The following LRRC49 variants were observed in gnomAD, a reference collection of about 807,000 sequenced individuals.
LRRC49 encodes the protein leucine-rich repeat-containing protein 49.
LRRC49 carries 50 observed loss-of-function variants against 83.3 expected under a neutral mutation model. The ratio of observed to expected loss-of-function variants is 0.60; its 90% CI spans 0.48 to 0.76. The LOEUF (loss-of-function observed/expected upper bound fraction) is 0.76, where lower values mean the gene tolerates loss of function less well. Ranked by LOEUF, LRRC49 falls within the 30% of genes least tolerant of loss-of-function variation. The pLI is 0.00. For missense variants in LRRC49, 704 were observed against 809.1 expected (o/e 0.87, Z 1.58); for synonymous variants, 286 against 283.3 (o/e 1.01, Z -0.10).
intron 14 of LRRC49, among the ~76,000 whole-genome samples, chr15:71,027,279 T>C (rs990239171): frequency 3.9e-5 from 6 of 152,206 alleles, no homozygotes; most frequent in Non-Finnish European, 7.3e-5. Flanking sequence ...TTCTGAGGTC[T>C]CTGTTCTGTT....
At chr15:70,853,861 C>T in intron 1 of LRRC49, 1 of 1,239,604 alleles carries the variant, frequency 8.1e-7, no homozygotes. Flanking sequence ...CCTCGGGGCC[C>T]ACCTCCCGGG....
At chr15:70,857,051 G>A (rs1367723545) in intron 1 of LRRC49, among the ~76,000 whole-genome samples, 2 of 152,110 alleles carry the variant, frequency 1.3e-5, no homozygotes, top group Non-Finnish European at 2.9e-5. Flanking sequence ...ACCTCAGCCT[G>A]GAGTTGGCAT....
chr15:71,042,155 A>G (rs778074195), intron 15 of LRRC49, among the ~76,000 whole-genome samples: 2 of 152,180 alleles, frequency 1.3e-5, no homozygotes, highest in Non-Finnish European at 2.9e-5. Flanking sequence ...ACAGTCATTC[A>G]AGGTGATTGT....
chr15:70,981,685 A>G (rs1403888491), intron 10 of LRRC49, among the ~76,000 whole-genome samples: 1 of 152,070 alleles, frequency 6.6e-6, no homozygotes, highest in African/African-American at 2.4e-5. Context: ...TATGAAAAGT[A>G]GACTCAAATG....
chr15:70,959,451 A>G (rs1316145072), intron 8 of LRRC49, among the ~76,000 whole-genome samples: 25 of 143,912 alleles, frequency 1.7e-4, no homozygotes, highest in Admixed American at 1.6e-3. Flanking sequence ...AGATTGTGCC[A>G]TTGCGCTCCA....
chr15:70,892,291 G>C (rs1442288061), upstream of LRRC49: 9 of 1,552,446 alleles, frequency 5.8e-6, no homozygotes, highest in Non-Finnish European at 7.8e-6. Flanking sequence ...TCTTCGGTGC[G>C]CGGGAGCCGG....
intron 1 of LRRC49, among the ~76,000 whole-genome samples, chr15:70,866,156 A>G (rs1410693852): frequency 7.0e-6 from 1 of 143,476 alleles, no homozygotes; most frequent in Admixed American, 6.8e-5. Context: ...TTATTTATTT[A>G]TTTATTTTTG....
chr15:70,999,402 C>A (rs1264730133), intron 11 of LRRC49, among the ~76,000 whole-genome samples: 1 of 151,926 alleles, frequency 6.6e-6, no homozygotes, highest in Non-Finnish European at 1.5e-5. Context: ...GCATGTGTAC[C>A]CACTGAAATC....
intron 1 of LRRC49, among the ~76,000 whole-genome samples, chr15:70,864,411 G>A (rs2032866910): frequency 6.6e-6 from 1 of 151,918 alleles, no homozygotes; most frequent in Non-Finnish European, 1.5e-5. Context: ...GAAGAGCAGG[G>A]CCCTGGAGTT....
At chr15:70,917,825 G>T (rs1001988477) in intron 6 of LRRC49, among the ~76,000 whole-genome samples, 1 of 152,180 alleles carries the variant, frequency 6.6e-6, no homozygotes, top group South Asian at 2.1e-4. Flanking sequence ...CGCAGGACAA[G>T]AACCTGGGAC....
chr15:70,891,068 A>G (rs1471005185), upstream of LRRC49, among the ~76,000 whole-genome samples: 1 of 152,168 alleles, frequency 6.6e-6, no homozygotes, highest in East Asian at 1.9e-4. Flanking sequence ...TAAGGATTAC[A>G]GACCCCTGAG....
At chr15:70,962,460 AGCC>A (rs1353065774) in intron 8 of LRRC49, among the ~76,000 whole-genome samples, 1 of 152,170 alleles carries the variant, frequency 6.6e-6, no homozygotes, top group African/African-American at 2.4e-5. Flanking sequence ...AAGTACACTT[AGCC>A]CCCAGATCTT....
intron 15 of LRRC49, among the ~76,000 whole-genome samples, chr15:71,038,256 AGT>A (rs750190129): frequency 6.6e-6 from 1 of 152,110 alleles, no homozygotes; most frequent in Non-Finnish European, 1.5e-5. Context: ...AACATTTAGA[AGT>A]GTGTGTGTGG....
intron 8 of LRRC49, 82 bp from the exon 9 acceptor site, chr15:70,963,701 CTG>C (rs1368356736): frequency 1.4e-6 from 2 of 1,443,282 alleles, no homozygotes; most frequent in Admixed American, 2.0e-5. Context: ...AAATCTAAAA[CTG>C]TGCTAAAAAT....
intron 11 of LRRC49, 85 bp downstream of exon 11, chr15:70,984,342 A>C: frequency 1.7e-6 from 2 of 1,186,012 alleles, no homozygotes; most frequent in Non-Finnish European, 1.2e-6. Flanking sequence ...ACATATAATT[A>C]TTTTAAAAGG....
chr15:71,032,184 C>T (rs925361403), intron 14 of LRRC49, among the ~76,000 whole-genome samples: 2 of 152,148 alleles, frequency 1.3e-5, no homozygotes, highest in African/African-American at 4.8e-5. Context: ...AGTGTAGTAA[C>T]CCAGCGGGGT....
intron 11 of LRRC49, among the ~76,000 whole-genome samples, chr15:70,987,047 T>C (rs1027513643): frequency 6.6e-6 from 1 of 152,216 alleles, no homozygotes; most frequent in Admixed American, 6.5e-5. Flanking sequence ...CAGTATTTTA[T>C]TGAGGATTTT....
chr15:70,876,404 G>C (rs1397809367), intron 2 of LRRC49, among the ~76,000 whole-genome samples: 2 of 151,932 alleles, frequency 1.3e-5, no homozygotes, highest in Non-Finnish European at 2.9e-5. Flanking sequence ...AGTCTAGTGG[G>C]GGAGATTAGT....
chr15:70,912,223 T>TA, intron 6 of LRRC49, among the ~76,000 whole-genome samples: 1 of 152,194 alleles, frequency 6.6e-6, no homozygotes, highest in Non-Finnish European at 1.5e-5. Context: ...TTCTTATTGA[T>TA]AGACATTTGG....
Sources: allele counts gnomAD v4.1 joint callset (sites outside exome capture counted in the v4.1 genomes callset), GRCh38; gene constraint gnomAD v4.1.1; transcripts MANE v1.5; gene names NCBI Gene and HGNC (gene_info 2026-07-23, HGNC 2026-07-21).